Variants in NELL2 observed in about 807,000 individuals in gnomAD.
NELL2 encodes the protein protein kinase C-binding protein NELL2.
A neutral mutation model predicts 109.6 loss-of-function variants in NELL2; 41 were observed. The ratio of observed to expected loss-of-function variants is 0.37; its 90% confidence interval spans 0.29 to 0.49. The LOEUF is 0.49. NELL2 is among the 20% of genes least tolerant of loss of function. The probability of loss-of-function intolerance (pLI) is 0.98; values close to 1 mark genes in which losing one functional copy is unlikely to be tolerated. For synonymous variants in NELL2, 355 were observed against 344.7 expected (o/e 1.03, Z -0.33); for missense variants, 900 against 1,008.3 (o/e 0.89, Z 1.45).
chr12:44,803,525 T>G (rs1283176304), intron 3 of NELL2, among the ~76,000 whole-genome samples: 1 of 151,940 alleles, frequency 6.6e-6, no homozygotes, highest in East Asian at 1.9e-4. Flanking sequence ...ATAAAAATAT[T>G]TAGGGAGTTC....
At chr12:44,527,691 T>C (rs1941847003) in intron 16 of NELL2, among the ~76,000 whole-genome samples, 1 of 152,316 alleles carries the variant, frequency 6.6e-6, no homozygotes, top group African/African-American at 2.4e-5. Flanking sequence ...TCCTTCTAAA[T>C]ACTAATATTA....
At chr12:44,747,515 C>T (rs756607658) in intron 9 of NELL2, among the ~76,000 whole-genome samples, 11 of 151,812 alleles carry the variant, frequency 7.2e-5, no homozygotes, top group Admixed American at 3.3e-4. Flanking sequence ...ATATGTGTTA[C>T]TCAACTATTT....
At chr12:44,720,979 G>A (rs984147562) in intron 9 of NELL2, among the ~76,000 whole-genome samples, 1 of 152,092 alleles carries the variant, frequency 6.6e-6, no homozygotes, top group Non-Finnish European at 1.5e-5. Flanking sequence ...CAGTAGTGAG[G>A]GGTTAGGAGG....
At chr12:44,821,046 T>TACACACAC (rs10664645) in intron 2 of NELL2, among the ~76,000 whole-genome samples, 159 of 148,960 alleles carry the variant, frequency 1.1e-3, no homozygotes, top group Middle Eastern at 3.4e-3. Flanking sequence ...GCTTTATAAA[T>TACACACAC]ACACACACAC....
chr12:44,532,514 T>C (rs1311534886), intron 16 of NELL2, 67 bp downstream of exon 16: 2 of 1,500,090 alleles, frequency 1.3e-6, no homozygotes, highest in Non-Finnish European at 1.8e-6. Flanking sequence ...CTTCTATTTA[T>C]AGCTTATGAT....
At chr12:44,798,899 G>A (rs1448110949) in intron 3 of NELL2, among the ~76,000 whole-genome samples, 1 of 143,976 alleles carries the variant, frequency 6.9e-6, no homozygotes, top group Non-Finnish European at 1.5e-5. Flanking sequence ...TGAGGGATCA[G>A]TTGGCTATTC....
chr12:44,912,320 G>A (rs1030225957), intron 1 of NELL2, among the ~76,000 whole-genome samples: 1 of 152,054 alleles, frequency 6.6e-6, no homozygotes, highest in African/African-American at 2.4e-5. Flanking sequence ...CAGACTACTA[G>A]TTCTATGGGA....
At chr12:44,793,849 C>CA in intron 3 of NELL2, among the ~76,000 whole-genome samples, 1 of 152,056 alleles carries the variant, frequency 6.6e-6, no homozygotes, top group East Asian at 1.9e-4. Context: ...AGAATGTCTT[C>CA]AAAATCAGTC....
chr12:44,620,121 GTTT>G (rs147103574), intron 13 of NELL2, among the ~76,000 whole-genome samples: 2,120 of 134,428 alleles, frequency 0.016, 50 homozygotes, highest in African/African-American at 0.053. Flanking sequence ...CCTGGGTTTT[GTTT>G]TTTTTTTTTT....
At chr12:44,845,550 T>C (rs974301106) in intron 2 of NELL2, among the ~76,000 whole-genome samples, 2 of 152,244 alleles carry the variant, frequency 1.3e-5, no homozygotes, top group African/African-American at 4.8e-5. Flanking sequence ...TTGGACTGGA[T>C]GTTTCCATGA....
Position 44,816,044 on chromosome 12 carries a change from G to C in NELL2, c.277C>G (p.Leu93Val), listed in dbSNP as rs747778467. The C allele has an allele frequency of 1.2e-6, 2 of 1,613,660 alleles. No individual in the cohort carries two copies. Among genetic ancestry groups the C allele is most frequent in the Admixed American group, 3.3e-5 (2 of 59,936 alleles). ...CCTGAATTTAAGTGGGTCTGTTTTA[G>C]GGTCACCAAAATAGTAAATTCATGT... ...NKHEFTILVT[L>V]KQTHLNSGVI... Residue 93 changes from leucine (L) to valine (V), a missense_variant, in exon 3 of 20, where the codon CTA becomes GTA. This residue lies in a region of NELL2 where 200 missense variants were observed against 191.8 expected (regional missense o/e 1.04). Coordinates refer to ENST00000429094, the MANE Select transcript of NELL2 (RefSeq NM_001145108.2).
chr12:44,784,796 A>G (rs184597461), intron 3 of NELL2, among the ~76,000 whole-genome samples: 222 of 152,326 alleles, frequency 1.5e-3, no homozygotes, highest in African/African-American at 4.9e-3. Flanking sequence ...GATTATCTCA[A>G]TAGATGCAGA....
intron 9 of NELL2, among the ~76,000 whole-genome samples, chr12:44,736,342 T>G (rs1939653002): frequency 6.6e-6 from 1 of 152,082 alleles, no homozygotes; most frequent in Non-Finnish European, 1.5e-5. Flanking sequence ...ATTGGGTAAC[T>G]CTGTTAAAGA....
intron 1 of NELL2, among the ~76,000 whole-genome samples, chr12:44,886,009 A>G (rs1248814745): frequency 6.6e-6 from 1 of 151,652 alleles, no homozygotes; most frequent in Non-Finnish European, 1.5e-5. Context: ...TTTTTTACAA[A>G]GATATCAAGA....
chr12:44,765,897 G>A (rs1254729187), intron 9 of NELL2, among the ~76,000 whole-genome samples: 2 of 152,084 alleles, frequency 1.3e-5, no homozygotes, highest in Non-Finnish European at 2.9e-5. Flanking sequence ...GGCCGAGGTG[G>A]GCAGATCACT....
At chr12:44,799,786 G>A (rs989564310) in intron 3 of NELL2, among the ~76,000 whole-genome samples, 2 of 152,108 alleles carry the variant, frequency 1.3e-5, no homozygotes, top group Non-Finnish European at 2.9e-5. Flanking sequence ...TAACTGGGGT[G>A]TCACCCTACT....
chr12:44,830,231 G>C (rs1328694584), intron 2 of NELL2, among the ~76,000 whole-genome samples: 1 of 152,152 alleles, frequency 6.6e-6, no homozygotes, highest in African/African-American at 2.4e-5. Flanking sequence ...GATTCTAACA[G>C]AATTGTTGCT....
intron 3 of NELL2, among the ~76,000 whole-genome samples, chr12:44,783,613 A>C (rs1393906853): frequency 6.6e-6 from 1 of 152,026 alleles, no homozygotes; most frequent in African/African-American, 2.4e-5. Context: ...CTAATTCAAA[A>C]ACACAACTTA....
At chr12:44,722,635 G>T (rs1026068634) in intron 9 of NELL2, among the ~76,000 whole-genome samples, 1 of 152,154 alleles carries the variant, frequency 6.6e-6, no homozygotes, top group African/African-American at 2.4e-5. Context: ...TTCACACAGA[G>T]GAGTGTTTGA....
Sources: allele counts gnomAD v4.1 joint callset (sites outside exome capture counted in the v4.1 genomes callset), GRCh38; gene constraint gnomAD v4.1.1; regional missense constraint gnomAD v4.1.1; transcripts MANE v1.5; gene names NCBI Gene and HGNC (gene_info 2026-07-23, HGNC 2026-07-21).